PIWIL4: variants seen among roughly 807,000 people sequenced by gnomAD.
PIWIL4 encodes the protein piwi like RNA-mediated gene silencing 4, also known as piwi-like protein 4.
A neutral mutation model predicts 100.9 loss-of-function variants in PIWIL4; 50 were observed. The observed-to-expected ratio is 0.50, with a 90% confidence interval of 0.39 to 0.63. PIWIL4 has a LOEUF of 0.63. Among genes scored for constraint, PIWIL4 ranks in the 20% least tolerant of loss-of-function variants. PIWIL4 has a pLI of 0.00. For missense variants in PIWIL4, 887 were observed against 1,043.3 expected (o/e 0.85, Z 2.06); for synonymous variants, 342 against 367.5 (o/e 0.93, Z 0.79).
At position 94,618,074 on chromosome 11, in the gene PIWIL4, T is replaced by C. The variant is rs755786786; in HGVS notation, c.2135T>C (p.Leu712Pro). ...ATTGAATATGAAGTCCCACAGCTGCTGAGCAGTGTGGCAGAATCCAGCTCA... is the reference window on the plus strand; with the variant it reads ...ATTGAATATGAAGTCCCACAGCTGCCGAGCAGTGTGGCAGAATCCAGCTCA... ...TLIEYEVPQL[L>P]SSVAESSSNT... The change falls in exon 17 of 20, where the codon CTG becomes CCG. Residue 712 changes from leucine to proline, a missense_variant. Physicochemically the swap from Leu to Pro is moderately conservative, Grantham distance 98. Transcript: ENST00000299001. 6.3e-7 allele frequency: 1 copy of C among 1,594,936 alleles called. No homozygotes were observed. Among genetic ancestry groups the C allele is most frequent in the Non-Finnish European group, 8.6e-7 (1 of 1,167,724 alleles).
At chr11:94,599,623 G>A (rs545262394) in intron 11 of PIWIL4, among the ~76,000 whole-genome samples, 44 of 152,292 alleles carry the variant, frequency 2.9e-4, no homozygotes, top group Non-Finnish European at 5.4e-4. Context: ...CTCTCAGGCC[G>A]AGGTAGGTGG....
chr11:94,619,687 T>A lies in PIWIL4; in HGVS notation c.2169-73T>A, dbSNP rs559016608. On this transcript the variant is annotated intron_variant, in intron 17 of 19. Coordinates refer to ENST00000299001, the MANE Select transcript of PIWIL4 (RefSeq NM_152431.3). Reference sequence around the variant, plus strand: ...TGGAATTTTTATTTATTTCATTTTTTAAATTACACAAAAATAGAAAGCTAT... The same window carrying A: ...TGGAATTTTTATTTATTTCATTTTTAAAATTACACAAAAATAGAAAGCTAT... 4.0e-5 allele frequency: 58 copies of A among 1,442,212 alleles called. No homozygotes were observed. In the African/African-American group the frequency reaches 7.5e-4, roughly 19 times the overall value. The allele number at this position is 1,442,212 out of a possible 1,614,324, so 89.3% of individuals were successfully genotyped here.
chr11:94,604,673 C>A (rs1267092440), intron 13 of PIWIL4, among the ~76,000 whole-genome samples: 1 of 152,188 alleles, frequency 6.6e-6, no homozygotes, highest in East Asian at 1.9e-4. Flanking sequence ...TTCAACGATT[C>A]CTATTTCCCA....
chr11:94,586,652 C>CA (rs902300897), intron 6 of PIWIL4, among the ~76,000 whole-genome samples: 134 of 152,102 alleles, frequency 8.8e-4, no homozygotes, highest in South Asian at 2.1e-3. Flanking sequence ...ATTTCCCCCC[C>CA]CTCTTCAGGG....
intron 17 of PIWIL4, among the ~76,000 whole-genome samples, chr11:94,618,786 T>C (rs969478911): frequency 2.0e-5 from 3 of 152,202 alleles, no homozygotes; most frequent in African/African-American, 7.2e-5. Flanking sequence ...GCCCTATCTG[T>C]AGGGTTACAT....
chr11:94,595,457 G>A, intron 10 of PIWIL4, 31 bp downstream of exon 10: 2 of 1,564,756 alleles, frequency 1.3e-6, no homozygotes, highest in Non-Finnish European at 8.8e-7. Flanking sequence ...TCCTTCCTGG[G>A]GCTGAGTTTT....
At chr11:94,568,212 T>C (rs935617626) in intron 1 of PIWIL4, among the ~76,000 whole-genome samples, 2 of 152,152 alleles carry the variant, frequency 1.3e-5, no homozygotes, top group African/African-American at 2.4e-5. Context: ...CTGGACTTTG[T>C]TCATTTTTTA....
chr11:94,576,949 G>T (rs1475881973), intron 3 of PIWIL4, among the ~76,000 whole-genome samples: 1 of 152,178 alleles, frequency 6.6e-6, no homozygotes, highest in Non-Finnish European at 1.5e-5. Flanking sequence ...TACTTGAGCC[G>T]ATTTGAATTG....
In PIWIL4 at chr11:94,587,922, A is replaced by G. The variant is rs976466263; in HGVS notation, c.914+675A>G. Reference sequence around the variant, plus strand: ...ACTTCCTGAGTACTAAAAAGCTCACATATACTGCTGCTAGTCCAAGAACAC... The same window carrying G: ...ACTTCCTGAGTACTAAAAAGCTCACGTATACTGCTGCTAGTCCAAGAACAC... On this transcript the variant is annotated intron_variant, in intron 7 of 19. Transcript: ENST00000299001. 9.4e-5 allele frequency among the ~76,000 whole-genome samples: 14 copies of G among 148,794 alleles called. No individual in the cohort carries two copies. The East Asian group carries it at 2.0e-3, about 21-fold the overall frequency.
At chr11:94,609,802 T>C (rs1039352770) in intron 15 of PIWIL4, among the ~76,000 whole-genome samples, 22 of 152,130 alleles carry the variant, frequency 1.4e-4, no homozygotes, top group African/African-American at 4.8e-4. Context: ...TGTTTTGATA[T>C]ATGTATACAT....
chr11:94,617,387 G>T (rs1304603214), intron 16 of PIWIL4, among the ~76,000 whole-genome samples: 1 of 151,858 alleles, frequency 6.6e-6, no homozygotes, highest in African/African-American at 2.4e-5. Context: ...GGTTTTCGTT[G>T]GGTAGCAGTT....
At chr11:94,615,403 T>C (rs1207201374) in intron 15 of PIWIL4, among the ~76,000 whole-genome samples, 7 of 152,220 alleles carry the variant, frequency 4.6e-5, no homozygotes. Context: ...TGTTACCCTC[T>C]TTAATGCATC....
rs1491256251 is a variant in PIWIL4, at chr11:94,568,710, ACT to A, written c.88-19_88-18del. 1.3e-6 allele frequency: 2 copies of A among 1,556,940 alleles called. No homozygotes were observed. Among genetic ancestry groups the A allele is most frequent in the Non-Finnish European group, 8.9e-7 (1 of 1,128,270 alleles). On this transcript the variant is annotated intron_variant, in intron 1 of 19. Transcript: ENST00000299001. ...ACTTACCATTGTAAATCTGAACAAA[ACT>A]TTTTTTTGCCATTTTAGCCTAGATC...
rs1352425763 is a variant in PIWIL4, at chr11:94,601,821, G to A, written c.1407G>A (p.Trp469Ter). Residue 469 changes from tryptophan to a stop codon, truncating the protein, a stop_gained, in exon 12 of 20, where the codon TGG becomes TGA. Transcript: ENST00000299001. LOFTEE classifies it high-confidence loss of function. ...GTCAACCTGTGTCTGCTGCTGACTG[G>A]TCCAAGGATATTCGAACTTGCAAGA... is the stretch of plus-strand genomic sequence containing the variant. ...HICQPVSAADWSKDIRTCKIL... is the reference protein window; with the variant it reads ...HICQPVSAAD 1 of 1,613,940 alleles carries A rather than the reference G, an allele frequency of 6.2e-7. No individual in the cohort carries two copies. The highest frequency in any genetic ancestry group is 8.5e-7 in the Non-Finnish European group (1 of 1,179,948).
chr11:94,587,623 C>A (rs1948420174), intron 7 of PIWIL4, among the ~76,000 whole-genome samples: 1 of 152,350 alleles, frequency 6.6e-6, no homozygotes, highest in African/African-American at 2.4e-5. Context: ...AATGTCCTGG[C>A]TTTTCTGACA....
chr11:94,579,338 A>G (rs1301161229), intron 4 of PIWIL4, among the ~76,000 whole-genome samples: 1 of 152,162 alleles, frequency 6.6e-6, no homozygotes, highest in African/African-American at 2.4e-5. Context: ...CACATTTGAC[A>G]TATTCAGTCC....
Position 94,618,366 on chromosome 11 carries a change from C to T in PIWIL4, c.2168+259C>T, listed in dbSNP as rs543545189. Among the ~76,000 whole-genome samples, 14 of 152,308 alleles carry T rather than the reference C, an allele frequency of 9.2e-5. No individual in the cohort carries two copies. The East Asian group carries it at 2.7e-3, about 29-fold the overall frequency. On this transcript the variant is annotated intron_variant, in intron 17 of 19. Coordinates refer to ENST00000299001, the MANE Select transcript of PIWIL4 (RefSeq NM_152431.3). ...TAGACAAAGAAAGGTACCCTCAGAG[C>T]AGCTGACACAGATTCAGCATGAAGC...
chr11:94,580,736 T>G (rs1948299648), intron 4 of PIWIL4, among the ~76,000 whole-genome samples: 1 of 152,172 alleles, frequency 6.6e-6, no homozygotes, highest in Admixed American at 6.5e-5. Flanking sequence ...ACTTACTAGG[T>G]GTTAAGTACT....
intron 4 of PIWIL4, among the ~76,000 whole-genome samples, chr11:94,579,677 T>A (rs1241485621): frequency 6.6e-6 from 1 of 152,248 alleles, no homozygotes; most frequent in Non-Finnish European, 1.5e-5. Context: ...GATTGTTGCA[T>A]TGGATATGGA....
Sources: allele counts gnomAD v4.1 joint callset (sites outside exome capture counted in the v4.1 genomes callset), GRCh38; gene constraint gnomAD v4.1.1; transcripts MANE v1.5; gene names NCBI Gene and HGNC (gene_info 2026-07-23, HGNC 2026-07-21).